Variants in AIPL1 observed in about 807,000 individuals in gnomAD.
AIPL1 encodes the protein aryl-hydrocarbon-interacting protein-like 1.
Under a neutral mutation model 32.9 loss-of-function variants are expected in AIPL1, and 23 were observed. The ratio of observed to expected loss-of-function variants is 0.70; its 90% CI spans 0.50 to 0.99. AIPL1 has a LOEUF of 0.99. Ranked by LOEUF, AIPL1 falls within the 50% of genes least tolerant of loss-of-function variation. AIPL1 has a pLI of 0.00. For synonymous variants in AIPL1, 210 were observed against 209.4 expected (o/e 1.00, Z -0.02); for missense variants, 485 against 506.0 (o/e 0.96, Z 0.40).
chr17:6,434,184 T>A, intron 1 of AIPL1, 86 bp from the exon 2 acceptor site: 2 of 1,469,206 alleles, frequency 1.4e-6, no homozygotes, highest in Non-Finnish European at 1.9e-6. Flanking sequence ...CACCCAGGGC[T>A]GTCCCCAGGG....
In AIPL1 at chr17:6,434,991, C is replaced by T. The variant is rs756817688; in HGVS notation, c.96+18G>A. 6.8e-6 allele frequency: 11 copies of T among 1,613,944 alleles called. No homozygotes were observed. Among genetic ancestry groups the T allele is most frequent in the African/African-American group, 6.7e-5 (5 of 74,908 alleles). ...CTGCTGTGGGGGACCCTGTCTGCTC[C>T]GGAGGGGCCCCACTCACTCGGGATC... On this transcript the variant is annotated intron_variant, in intron 1 of 5. Transcript: ENST00000381129.
At chr17:6,427,303 A>T (rs1376188448) in intron 3 of AIPL1, among the ~76,000 whole-genome samples, 2 of 152,214 alleles carry the variant, frequency 1.3e-5, no homozygotes, top group African/African-American at 4.8e-5. Flanking sequence ...ATTGTCACGA[A>T]TACTCGTTTT....
intron 5 of AIPL1, chr17:6,426,316 C>A: frequency 7.3e-7 from 1 of 1,374,440 alleles, no homozygotes; most frequent in Non-Finnish European, 9.4e-7. Context: ...TAATATTTTT[C>A]CCTATATTGA....
chr17:6,428,299 C>T lies in AIPL1; in HGVS notation c.465+19G>A, dbSNP rs1283180629. Reference sequence around the variant, plus strand: ...CCAGTGCTGGCACAGCCCTCCAGCCCTGCCAACCCCAGCCCCACCTGCAGC... The same window carrying T: ...CCAGTGCTGGCACAGCCCTCCAGCCTTGCCAACCCCAGCCCCACCTGCAGC... On this transcript the variant is annotated intron_variant, in intron 3 of 5. Transcript: ENST00000381129. 6.2e-7 allele frequency: 1 copy of T among 1,604,258 alleles called. No homozygotes were observed. Among genetic ancestry groups the T allele is most frequent in the Admixed American group, 1.7e-5 (1 of 60,006 alleles).
At chr17:6,432,113 G>A (rs563414937) in intron 2 of AIPL1, among the ~76,000 whole-genome samples, 1 of 152,278 alleles carries the variant, frequency 6.6e-6, no homozygotes, top group African/African-American at 2.4e-5. Context: ...GGCCGAGCGT[G>A]GTGGCTCAGG....
In AIPL1 at chr17:6,423,892, C is replaced by T. The variant is rs11869066; in HGVS notation, c.*1568G>A. On this transcript the variant is annotated 3_prime_UTR_variant, in exon 6 of 6. Coordinates refer to ENST00000381129, the MANE Select transcript of AIPL1 (RefSeq NM_014336.5). ...ATCAGAACTTTAGGGATACAGTTAGCGCTGGGGGAACCCCTGCTGGGTGGA... is the reference window on the plus strand; with the variant it reads ...ATCAGAACTTTAGGGATACAGTTAGTGCTGGGGGAACCCCTGCTGGGTGGA... 0.059 allele frequency: 8,918 copies of T among 152,350 alleles called. 313 individuals carry two copies. The highest frequency in any genetic ancestry group is 0.082 in the African/African-American group (3,389 of 41,580). The allele number at this position is 152,350 out of a possible 1,614,324, so 9.4% of individuals were successfully genotyped here. A position where few individuals can be genotyped will look rare whatever the true frequency, so the allele number is the denominator to read the frequency against.
chr17:6,424,953 T>C lies in AIPL1; in HGVS notation c.*507A>G, dbSNP rs1490526083. 1 of 152,864 alleles carries C rather than the reference T, an allele frequency of 6.5e-6. No homozygotes were observed. The highest frequency in any genetic ancestry group is 1.5e-5 in the Non-Finnish European group (1 of 68,538). The allele number at this position is 152,864 out of a possible 1,614,324, so 9.5% of individuals were successfully genotyped here. On this transcript the variant is annotated 3_prime_UTR_variant, in exon 6 of 6. Coordinates refer to ENST00000381129, the MANE Select transcript of AIPL1 (RefSeq NM_014336.5). ...AGAACCCTCTCAGGCTAAGCTCCAG[T>C]GTCGGGGCTTGCCCACCCTACATCA...
Position 6,425,718 on chromosome 17 carries a change from C to G in AIPL1, c.897G>C (p.Lys299Asn). 2 of 1,608,018 alleles carry G rather than the reference C, an allele frequency of 1.2e-6. No homozygotes were observed. Among genetic ancestry groups the G allele is most frequent in the Non-Finnish European group, 1.7e-6 (2 of 1,180,006 alleles). ...KVLELEPSMQ[K>N]AVRRELRLLE... Reference sequence around the variant, plus strand: ...GCAGCCTCAGCTCCCTGCGCACCGCCTTCTGCATGGACGGCTCCAGCTCCA... The same window carrying G: ...GCAGCCTCAGCTCCCTGCGCACCGCGTTCTGCATGGACGGCTCCAGCTCCA... Residue 299 changes from lysine (K) to asparagine (N), a missense_variant, in exon 6 of 6, where the codon AAG (lysine) becomes AAC (asparagine). By Grantham distance (94) the Lys-to-Asn change is moderately conservative (BLOSUM62 0). Coordinates refer to ENST00000381129, the MANE Select transcript of AIPL1 (RefSeq NM_014336.5).
chr17:6,434,176 C>CCCAGGG (rs971015165), intron 1 of AIPL1, 78 bp from the exon 2 acceptor site: 1 of 1,517,260 alleles, frequency 6.6e-7, no homozygotes, highest in African/African-American at 1.4e-5. Flanking sequence ...GCCACCGACA[C>CCCAGGG]CCAGGGCTGT....
chr17:6,433,611 T>TCTCTCTCTCTCTCTCTCTCTCTCTCA (rs758622569), intron 2 of AIPL1, among the ~76,000 whole-genome samples: 2 of 106,260 alleles, frequency 1.9e-5, no homozygotes, highest in African/African-American at 7.5e-5. Flanking sequence ...TCTCTCTCTC[T>TCTCTCTCTCTCTCTCTCTCTCTCTCA]CACACACACA....
At chr17:6,433,578 G>A (rs1449431754) in intron 2 of AIPL1, among the ~76,000 whole-genome samples, 11 of 116,152 alleles carry the variant, frequency 9.5e-5, no homozygotes, top group African/African-American at 2.8e-4. Context: ...GTGACAGAGC[G>A]AGACCCTATC....
intron 3 of AIPL1, among the ~76,000 whole-genome samples, 184 bp downstream of exon 3, chr17:6,428,133 CT>C (rs1912178215): frequency 6.6e-6 from 1 of 152,162 alleles, no homozygotes; most frequent in South Asian, 2.1e-4. Flanking sequence ...AAGGACTTTT[CT>C]TGTGGAAAAA....
intron 2 of AIPL1, among the ~76,000 whole-genome samples, chr17:6,433,548 G>A (rs1185536362): frequency 4.0e-5 from 6 of 150,768 alleles, no homozygotes; most frequent in South Asian, 2.1e-4. Context: ...CCATAATTAC[G>A]CTACTGCACT....
In AIPL1 at chr17:6,425,650, C is replaced by T. The variant is rs537788083; in HGVS notation, c.965G>A (p.Arg322His). The part of the protein sequence containing the change: ...MAEKQEEERL[R>H]CRNMLSQGAT... Reference sequence around the variant, plus strand: ...ACCCTGGCTCAGCATGTTCCGGCAGCGCAGCCGCTCCTCCTCCTGCTTCTC... The same window carrying T: ...ACCCTGGCTCAGCATGTTCCGGCAGTGCAGCCGCTCCTCCTCCTGCTTCTC... Residue 322 changes from arginine to histidine, a missense_variant, in exon 6 of 6, where the codon CGC (arginine) becomes CAC (histidine). Coordinates refer to ENST00000381129, the MANE Select transcript of AIPL1 (RefSeq NM_014336.5). 6 of 1,611,562 alleles carry T rather than the reference C, an allele frequency of 3.7e-6. No homozygotes were observed. The highest frequency in any genetic ancestry group is 1.3e-5 in the African/African-American group (1 of 74,904).
chr17:6,428,531 C>T (rs1373974398), intron 2 of AIPL1, 25 bp from the exon 3 acceptor site: 1 of 1,610,412 alleles, frequency 6.2e-7, no homozygotes, highest in South Asian at 1.1e-5. Context: ...GGATGGATGG[C>T]ATCCAGGCTA....
chr17:6,430,927 G>A (rs2150686375), intron 2 of AIPL1, among the ~76,000 whole-genome samples: 1 of 152,288 alleles, frequency 6.6e-6, no homozygotes, highest in Non-Finnish European at 1.5e-5. Flanking sequence ...ACATATATTT[G>A]CTACATGAAT....
At chr17:6,434,244 T>A (rs2150692871) in intron 1 of AIPL1, 146 bp from the exon 2 acceptor site, 1 of 917,958 alleles carries the variant, frequency 1.1e-6, no homozygotes, top group Non-Finnish European at 1.7e-6. Flanking sequence ...CTGGAGCACC[T>A]CCACCCTGCC....
chr17:6,425,246 A>G lies in AIPL1; in HGVS notation c.*214T>C. On this transcript the variant is annotated 3_prime_UTR_variant, in exon 6 of 6. Transcript: ENST00000381129. ...TCAATTAAAACCATGGCACGGAAGG[A>G]ATGAGAGGGGTAGAGGAGAAAACTA... The G allele has an allele frequency of 2.0e-6, 1 of 510,820 alleles. No homozygotes were observed. The highest frequency in any genetic ancestry group is 3.3e-6 in the Non-Finnish European group (1 of 304,168). 31.6% of individuals were successfully genotyped at this position (510,820 alleles called of 1,614,324 possible). A position where few individuals can be genotyped will look rare whatever the true frequency, so the allele number is the denominator to read the frequency against.
intron 2 of AIPL1, among the ~76,000 whole-genome samples, chr17:6,431,450 C>T (rs1490977684): frequency 6.7e-6 from 1 of 150,360 alleles, no homozygotes; most frequent in Non-Finnish European, 1.5e-5. Flanking sequence ...AGTGAAACTC[C>T]ATCTCAGAAA....
Sources: allele counts gnomAD v4.1 joint callset (sites outside exome capture counted in the v4.1 genomes callset), GRCh38; gene constraint gnomAD v4.1.1; transcripts MANE v1.5; gene names NCBI Gene and HGNC (gene_info 2026-07-23, HGNC 2026-07-21).